XPR1: variants seen among roughly 807,000 people sequenced by gnomAD.
XPR1 encodes the protein solute carrier family 53 member 1.
XPR1 carries 28 observed loss-of-function variants against 87.5 expected under a neutral mutation model. The ratio of observed to expected loss-of-function variants is 0.32; its 90% CI spans 0.24 to 0.44. The LOEUF is 0.44. Ranked by LOEUF, XPR1 falls within the 20% of genes least tolerant of loss-of-function variation. The pLI, the probability that XPR1 is intolerant of heterozygous loss-of-function variation, is 1.00. For missense variants in XPR1, 559 were observed against 862.3 expected (o/e 0.65, Z 4.41); for synonymous variants, 300 against 306.1 (o/e 0.98, Z 0.21).
chr1:180,831,258 A>AAACTTCCT (rs1453865419), intron 9 of XPR1, among the ~76,000 whole-genome samples: 4 of 152,132 alleles, frequency 2.6e-5, no homozygotes, highest in African/African-American at 4.8e-5. Context: ...CTCTCCAGCA[A>AAACTTCCT]AACTTCCTAA....
At chr1:180,838,416 A>G (rs1651381539) in intron 11 of XPR1, among the ~76,000 whole-genome samples, 1 of 152,196 alleles carries the variant, frequency 6.6e-6, no homozygotes, top group African/African-American at 2.4e-5. Context: ...ATATTGTTCA[A>G]GGGTCAACTG....
chr1:180,755,140 A>G (rs1178751164), intron 2 of XPR1, among the ~76,000 whole-genome samples: 1 of 152,158 alleles, frequency 6.6e-6, no homozygotes, highest in Non-Finnish European at 1.5e-5. Context: ...TTCAACATAT[A>G]TTGATAGATG....
At chr1:180,650,640 G>A (rs1162461135) in intron 1 of XPR1, among the ~76,000 whole-genome samples, 2 of 152,182 alleles carry the variant, frequency 1.3e-5, no homozygotes, top group Non-Finnish European at 2.9e-5. Context: ...CAAGAGTGAG[G>A]AAGATAAGAT....
chr1:180,653,674 TAAC>T (rs1655362865), intron 1 of XPR1, among the ~76,000 whole-genome samples: 1 of 152,088 alleles, frequency 6.6e-6, no homozygotes, highest in African/African-American at 2.4e-5. Flanking sequence ...AATAAGAGAT[TAAC>T]AACAATTAAT....
Position 180,787,791 on chromosome 1 carries a change from T to G in XPR1, c.160T>G (p.Phe54Val), listed in dbSNP as rs1242862596. 6.2e-7 allele frequency: 1 copy of G among 1,613,428 alleles called. No homozygotes were observed. Among genetic ancestry groups the G allele is most frequent in the African/African-American group, 1.3e-5 (1 of 74,886 alleles). Reference protein sequence around the residue: ...EDTVKRYFAKFEEKFFQTCEK... With the variant: ...EDTVKRYFAKVEEKFFQTCEK... ...CACAGTAAAGAGGTATTTTGCCAAG[T>G]TTGAAGAGAAGTTTTTCCAAACCTG... Residue 54 changes from phenylalanine to valine, a missense_variant, in exon 3 of 15, where the codon TTT becomes GTT. By Grantham distance (50) the Phe-to-Val change is conservative. This residue lies in a region of XPR1 where 159 missense variants were observed against 263.3 expected (regional missense o/e 0.60). Coordinates refer to ENST00000367590, the MANE Select transcript of XPR1 (RefSeq NM_004736.4).
chr1:180,762,506 C>G (rs1394252156), intron 2 of XPR1, among the ~76,000 whole-genome samples: 1 of 152,138 alleles, frequency 6.6e-6, no homozygotes, highest in African/African-American at 2.4e-5. Context: ...TAATGGTATG[C>G]TGTTCATAAA....
At chr1:180,701,717 T>C (rs1354702484) in intron 2 of XPR1, among the ~76,000 whole-genome samples, 1 of 140,060 alleles carries the variant, frequency 7.1e-6, no homozygotes, top group Non-Finnish European at 1.5e-5. Flanking sequence ...GGTATCAGAA[T>C]GATGCTGGCC....
chr1:180,792,616 A>G (rs991527011), intron 3 of XPR1, among the ~76,000 whole-genome samples: 1 of 152,222 alleles, frequency 6.6e-6, no homozygotes, highest in Non-Finnish European at 1.5e-5. Context: ...TTATAGATAA[A>G]ATCAGTATTT....
chr1:180,846,220 C>T (rs1389190032), intron 11 of XPR1, among the ~76,000 whole-genome samples: 1 of 149,994 alleles, frequency 6.7e-6, no homozygotes, highest in Non-Finnish European at 1.5e-5. Context: ...TGAGATCACG[C>T]CACTGCGCTC....
At chr1:180,741,032 T>TCAA (rs1658904848) in intron 2 of XPR1, among the ~76,000 whole-genome samples, 1 of 152,228 alleles carries the variant, frequency 6.6e-6, no homozygotes. Flanking sequence ...GGTTAGGATG[T>TCAA]CAATGTATTT....
chr1:180,741,016 A>G (rs1206018888), intron 2 of XPR1, among the ~76,000 whole-genome samples: 1 of 152,176 alleles, frequency 6.6e-6, no homozygotes, highest in Non-Finnish European at 1.5e-5. Context: ...ATACCATCAC[A>G]TTGGGGGTTA....
chr1:180,637,252 C>T (rs750794131), intron 1 of XPR1, among the ~76,000 whole-genome samples: 7 of 152,110 alleles, frequency 4.6e-5, no homozygotes, highest in Non-Finnish European at 5.9e-5. Context: ...CTTGTTTGTT[C>T]GCTTTGGCAG....
intron 11 of XPR1, among the ~76,000 whole-genome samples, chr1:180,849,742 C>T (rs949325874): frequency 1.3e-5 from 2 of 152,100 alleles, no homozygotes; most frequent in African/African-American, 4.8e-5. Flanking sequence ...GAATCTTGGG[C>T]ATGTTGCCTG....
intron 2 of XPR1, among the ~76,000 whole-genome samples, chr1:180,755,216 C>G (rs1304259791): frequency 1.3e-5 from 2 of 152,106 alleles, no homozygotes; most frequent in Admixed American, 1.3e-4. Flanking sequence ...AAATCGACAT[C>G]CCAATAACAG....
At chr1:180,710,577 A>G (rs1245647019) in intron 2 of XPR1, among the ~76,000 whole-genome samples, 2 of 152,196 alleles carry the variant, frequency 1.3e-5, no homozygotes, top group South Asian at 2.1e-4. Context: ...ACAGAACAAA[A>G]TGGAGTCTCC....
intron 6 of XPR1, among the ~76,000 whole-genome samples, chr1:180,810,821 A>G (rs976500796): frequency 5.9e-5 from 9 of 151,422 alleles, no homozygotes; most frequent in African/African-American, 2.2e-4. Context: ...ATATATATGT[A>G]TATATATGTG....
chr1:180,778,712 A>G (rs1043044224), intron 2 of XPR1, among the ~76,000 whole-genome samples: 2 of 152,148 alleles, frequency 1.3e-5, no homozygotes, highest in Non-Finnish European at 2.9e-5. Context: ...GAGAACTACT[A>G]CCTTAAAAAA....
chr1:180,768,335 A>G (rs1312225819), intron 2 of XPR1, among the ~76,000 whole-genome samples: 1 of 152,204 alleles, frequency 6.6e-6, no homozygotes, highest in African/African-American at 2.4e-5. Context: ...AGGTTTCTGA[A>G]CTTTATGTAC....
At position 180,634,708 on chromosome 1, in the gene XPR1, A is replaced by G. The variant is rs549139135; in HGVS notation, c.69+2438A>G. Among the ~76,000 whole-genome samples the G allele has an allele frequency of 1.6e-4, 25 of 152,188 alleles. 1 individual carries two copies. Among genetic ancestry groups the G allele is most frequent in the East Asian group, 3.9e-4 (2 of 5,184 alleles). ...TGGTTTCTAGCCTAGGGTGCTTTCT[A>G]GTATCGTGAATCAATGTGAACTGTT... On this transcript the variant is annotated intron_variant, in intron 1 of 14. Transcript: ENST00000367590.
Sources: gnomAD v4.1 joint callset for allele counts (sites outside exome capture counted in the v4.1 genomes callset) on GRCh38, gnomAD v4.1.1 for gene constraint, gnomAD v4.1.1 regional missense constraint, MANE v1.5 for transcripts, NCBI Gene and HGNC (gene_info 2026-07-23, HGNC 2026-07-21) for gene names.